MCFD2: variants seen among roughly 807,000 people sequenced by gnomAD.
MCFD2 encodes multiple coagulation factor deficiency 2, ER cargo receptor complex subunit.
MCFD2 carries 11 observed loss-of-function variants against 12.8 expected under a neutral mutation model. That is an observed-to-expected ratio of 0.86 (90% CI 0.54 to 1.42). The LOEUF is 1.42. Among genes scored for constraint, MCFD2 ranks in the 40% most tolerant of loss-of-function variants. The pLI, the probability that MCFD2 is intolerant of heterozygous loss-of-function variation, is 0.00. For synonymous variants in MCFD2, 70 were observed against 68.1 expected, an observed-to-expected ratio of 1.03 and a Z score of -0.14; for missense variants, 191 against 178.6, an observed-to-expected ratio of 1.07 and a Z score of -0.40.
Position 46,903,617 on chromosome 2 carries a change from CTTG to C in MCFD2, c.*1843_*1845del, listed in dbSNP as rs959127319. 2 of 152,172 alleles carry C rather than the reference CTTG, an allele frequency of 1.3e-5. No homozygotes were observed. Among genetic ancestry groups the C allele is most frequent in the Non-Finnish European group, 2.9e-5 (2 of 68,050 alleles). 9.4% of individuals were successfully genotyped at this position (152,172 alleles called of 1,614,324 possible). On this transcript the variant is annotated 3_prime_UTR_variant, in exon 4 of 4. Transcript: ENST00000319466. ...GTTGGGAACTGGAGTAAAGGTGACT[CTTG>C]TTATGTTTTAGCAAAGAGACTGGCA...
Position 46,908,238 on chromosome 2 carries a change from T to A in MCFD2, c.150-269A>T. ...ATTTTGTTATAACATTTTCAGGCCA[T>A]CAATTTAAAAATATGTCCTTTAAAA... On this transcript the variant is annotated intron_variant, in intron 2 of 3. Transcript: ENST00000319466. This position sits in a 1 kb window ranked among gnomAD's most constrained non-coding sequence, Gnocchi z 4.5. The A allele has an allele frequency of 2.0e-6, 1 of 495,162 alleles. No individual in the cohort carries two copies. Among genetic ancestry groups the A allele is most frequent in the Non-Finnish European group, 3.7e-6 (1 of 273,868 alleles). The allele number at this position is 495,162 out of a possible 1,614,324, so 30.7% of individuals were successfully genotyped here.
Position 46,937,392 on chromosome 2 carries a change from A to T in MCFD2, c.-8+4180T>A, listed in dbSNP as rs1398009234. Among the ~76,000 whole-genome samples, 1 of 152,172 alleles carries T rather than the reference A, an allele frequency of 6.6e-6. No individual in the cohort carries two copies. The highest frequency in any genetic ancestry group is 1.5e-5 in the Non-Finnish European group (1 of 68,028). ...TCACTTAACTTCAGAATAGAAAAAA[A>T]AAATCTCTATGGTGGATTTTAAGCC... is the stretch of plus-strand genomic sequence containing the variant. On this transcript the variant is annotated intron_variant, in intron 1 of 2. Coordinates refer to the MCFD2 transcript ENST00000409147. This position sits in a 1 kb window ranked among gnomAD's most constrained non-coding sequence, Gnocchi z 4.0.
intron 1 of MCFD2, among the ~76,000 whole-genome samples, chr2:46,925,103 A>G (rs181242352): frequency 7.0e-4 from 107 of 152,290 alleles, no homozygotes; most frequent in African/African-American, 2.4e-3. Context: ...GTTGCACTGC[A>G]CTTGGTTTTC....
chr2:46,930,264 A>G (rs1414557828), intron 1 of MCFD2, among the ~76,000 whole-genome samples: 1 of 151,866 alleles, frequency 6.6e-6, no homozygotes, highest in African/African-American at 2.4e-5. Context: ...AAATCCCTGG[A>G]AAATTATCAA....
upstream of MCFD2, chr2:46,915,822 C>G (rs1329306558): frequency 1.0e-5 from 3 of 294,414 alleles, no homozygotes; most frequent in Non-Finnish European, 9.8e-6. Flanking sequence ...CCCCCCCCCC[C>G]CCCCCGACCT....
At chr2:46,919,627 C>G, upstream of MCFD2, among the ~76,000 whole-genome samples, 1 of 152,206 alleles carries the variant, frequency 6.6e-6, no homozygotes, top group South Asian at 2.1e-4. Context: ...AATCCTGTGT[C>G]CCTAAAATCT....
At chr2:46,936,456 C>G (rs1291507916) in intron 1 of MCFD2, among the ~76,000 whole-genome samples, 2 of 152,132 alleles carry the variant, frequency 1.3e-5, no homozygotes, top group African/African-American at 4.8e-5. Context: ...TCTCCGGACC[C>G]TCTGTCTGCT....
At chr2:46,912,819 G>C (rs1173115615) in intron 1 of MCFD2, among the ~76,000 whole-genome samples, 1 of 152,210 alleles carries the variant, frequency 6.6e-6, no homozygotes, top group Non-Finnish European at 1.5e-5. Context: ...AACAGAAGCT[G>C]CTGGTTCTTA....
rs1193676521 is a variant in MCFD2, at chr2:46,941,049, C to CGGCGGGG, written c.-8+516_-8+522dup. 31 of 150,954 alleles carry CGGCGGGG rather than the reference C, an allele frequency of 2.1e-4. No homozygotes were observed. The highest frequency in any genetic ancestry group is 3.4e-3 in the Middle Eastern group (1 of 290). 9.4% of individuals were successfully genotyped at this position (150,954 alleles called of 1,614,324 possible). A position where few individuals can be genotyped will look rare whatever the true frequency, so the allele number is the denominator to read the frequency against. On this transcript the variant is annotated intron_variant, in intron 1 of 2. Transcript: ENST00000409147. This position sits in a 1 kb window ranked among gnomAD's most constrained non-coding sequence, Gnocchi z 4.2. The stretch of plus-strand genomic sequence containing the variant: ...AGCTCCGACTCCGCGGCGGGGGCGG[C>CGGCGGGG]GGCGGGGGGCGGGTACCCGGGCGGC...
At position 46,941,814 on chromosome 2, in the gene MCFD2, G is replaced by A; in HGVS notation, c.-250C>T. On this transcript the variant is annotated 5_prime_UTR_variant, in exon 1 of 3. Coordinates refer to the MCFD2 transcript ENST00000409147. The surrounding 1 kb of genome is among the most constrained non-coding windows in gnomAD (Gnocchi z 4.2). ...AAGCGCGCCCAGACAGTCCTCGGCC[G>A]ACAGCGGGCGCCTGCCAGCCCACCG... 3 of 1,495,070 alleles carry A rather than the reference G, an allele frequency of 2.0e-6. No homozygotes were observed. Among genetic ancestry groups the A allele is most frequent in the South Asian group, 2.5e-5 (2 of 80,040 alleles). 92.6% of individuals were successfully genotyped at this position (1,495,070 alleles called of 1,614,324 possible).
chr2:46,924,800 G>A (rs1453769063), intron 1 of MCFD2, among the ~76,000 whole-genome samples: 1 of 152,092 alleles, frequency 6.6e-6, no homozygotes, highest in Non-Finnish European at 1.5e-5. Context: ...GCTAATTTTT[G>A]TATTTTTTGT....
upstream of MCFD2, chr2:46,916,230 G>A (rs567672783): frequency 1.1e-6 from 1 of 894,210 alleles, no homozygotes; most frequent in South Asian, 5.1e-5. Flanking sequence ...TAATAGGAAT[G>A]CTAATTCCTT....
chr2:46,915,324 C>A (rs72886648), intron 1 of MCFD2, among the ~76,000 whole-genome samples: 4,155 of 152,292 alleles, frequency 0.027, 108 homozygotes, highest in African/African-American at 0.067. Flanking sequence ...AGATCAGCTT[C>A]CCCCGCCGGG....
upstream of MCFD2, chr2:46,915,806 G>GGGGGGGGGGGGGGCCCCCCCCC: frequency 2.0e-6 from 1 of 512,582 alleles, no homozygotes; most frequent in Non-Finnish European, 2.1e-6. Context: ...CCTCGGCTTC[G>GGGGGGGGGGGGGGCCCCCCCCC]CCCCGCCCCC....
At position 46,903,953 on chromosome 2, in the gene MCFD2, C is replaced by T. The variant is rs1477474856; in HGVS notation, c.*1510G>A. 6.6e-6 allele frequency: 1 copy of T among 152,118 alleles called. No individual in the cohort carries two copies. The highest frequency in any genetic ancestry group is 1.5e-5 in the Non-Finnish European group (1 of 68,012). 9.4% of individuals were successfully genotyped at this position (152,118 alleles called of 1,614,324 possible). A position where few individuals can be genotyped will look rare whatever the true frequency, so the allele number is the denominator to read the frequency against. ...TGGGGAAAATGTCTCCAGGCCATGT[C>T]AGGGCAGCCCCTGACATGTGTGTGC... On this transcript the variant is annotated 3_prime_UTR_variant, in exon 4 of 4. Coordinates refer to ENST00000319466, the MANE Select transcript of MCFD2 (RefSeq NM_139279.6).
chr2:46,904,485 T>A lies in MCFD2; in HGVS notation c.*978A>T, dbSNP rs1668138144. The stretch of plus-strand genomic sequence containing the variant: ...ACAGGGGCAGAGCTGCCCAAGACCA[T>A]GGGAACCCACTTCTTGCATCAGTAT... On this transcript the variant is annotated 3_prime_UTR_variant, in exon 4 of 4. Transcript: ENST00000319466. 6.6e-6 allele frequency: 1 copy of A among 152,272 alleles called. No individual in the cohort carries two copies. Among genetic ancestry groups the A allele is most frequent in the South Asian group, 2.1e-4 (1 of 4,832 alleles). 9.4% of individuals were successfully genotyped at this position (152,272 alleles called of 1,614,324 possible).
At position 46,940,819 on chromosome 2, in the gene MCFD2, C is replaced by T. The variant is rs904345519; in HGVS notation, c.-8+753G>A. Among the ~76,000 whole-genome samples, 58 of 152,136 alleles carry T rather than the reference C, an allele frequency of 3.8e-4. No homozygotes were observed. The highest frequency in any genetic ancestry group is 1.3e-3 in the African/African-American group (54 of 41,450). Reference sequence around the variant, plus strand: ...GGGCGGACAGCGGCAGGCCAGCTCCCGGGAGGCTCGCCGTCGGGGTTGGGG... The same window carrying T: ...GGGCGGACAGCGGCAGGCCAGCTCCTGGGAGGCTCGCCGTCGGGGTTGGGG... On this transcript the variant is annotated intron_variant, in intron 1 of 2. Transcript: ENST00000409147. This position sits in a 1 kb window ranked among gnomAD's most constrained non-coding sequence, Gnocchi z 4.7.
chr2:46,927,106 G>C (rs1200421706), intron 1 of MCFD2, among the ~76,000 whole-genome samples: 1 of 152,106 alleles, frequency 6.6e-6, no homozygotes, highest in Non-Finnish European at 1.5e-5. Flanking sequence ...AAGAGTCACA[G>C]AGAATTCAGT....
intron 1 of MCFD2, among the ~76,000 whole-genome samples, chr2:46,924,127 C>G (rs1669263523): frequency 6.6e-6 from 1 of 151,616 alleles, no homozygotes; most frequent in South Asian, 2.1e-4. Context: ...TCGCCTGGGC[C>G]CAGGAAGTCA....
Sources: gnomAD v4.1 joint callset for allele counts (sites outside exome capture counted in the v4.1 genomes callset) on GRCh38, gnomAD v4.1.1 for gene constraint, Gnocchi (gnomAD v3.1) non-coding constraint, MANE v1.5 for transcripts, NCBI Gene and HGNC (gene_info 2026-07-23, HGNC 2026-07-21) for gene names.